FGF14: variants seen among roughly 807,000 people sequenced by gnomAD.
FGF14 encodes fibroblast growth factor homologous factor 4.
FGF14 carries 5 observed loss-of-function variants against 25.5 expected under a neutral mutation model. That is an observed-to-expected ratio of 0.20 (90% CI 0.10 to 0.41). FGF14 has a LOEUF of 0.41. Among genes scored for constraint, FGF14 ranks in the 10% least tolerant of loss-of-function variants. The probability of loss-of-function intolerance (pLI) is 1.00; values close to 1 mark genes in which losing one functional copy is unlikely to be tolerated. For missense variants in FGF14, 222 were observed against 320.1 expected, an observed-to-expected ratio of 0.69 and a Z score of 2.34; for synonymous variants, 138 against 118.3, an observed-to-expected ratio of 1.17 and a Z score of -1.08.
chr13:101,724,595 AAAATATAT>A (rs1462572899), intron 4 of FGF14, among the ~76,000 whole-genome samples: 8 of 35,166 alleles, frequency 2.3e-4, no homozygotes, highest in Admixed American at 4.8e-4. Flanking sequence ...GTATAATAAT[AAAATATAT>A]ATATATATAT....
intron 1 of FGF14, among the ~76,000 whole-genome samples, chr13:102,065,447 C>T (rs972555071): frequency 2.0e-5 from 3 of 152,020 alleles, no homozygotes; most frequent in African/African-American, 7.2e-5. Context: ...CAAGATATTT[C>T]TGGTACATTG....
intron 1 of FGF14, among the ~76,000 whole-genome samples, chr13:102,312,631 C>T (rs1277934448): frequency 6.6e-6 from 1 of 152,126 alleles, no homozygotes; most frequent in Admixed American, 6.5e-5. Flanking sequence ...TCCAACTACC[C>T]CCCTGGATGG....
chr13:102,262,999 T>C, intron 1 of FGF14: 1 of 559,792 alleles, frequency 1.8e-6, no homozygotes. Flanking sequence ...GATTGTGACC[T>C]TCAGACAGCA....
At chr13:101,839,331 A>G (rs1422330548) in intron 3 of FGF14, among the ~76,000 whole-genome samples, 1 of 152,058 alleles carries the variant, frequency 6.6e-6, no homozygotes, top group Non-Finnish European at 1.5e-5. Flanking sequence ...GATCCTGAGA[A>G]AAGTCTTGGA....
intron 1 of FGF14, among the ~76,000 whole-genome samples, chr13:102,258,276 A>G (rs146492937): frequency 0.018 from 2,791 of 152,180 alleles, 85 homozygotes; most frequent in African/African-American, 0.065. Context: ...CAGCCAAACC[A>G]TATCAAGCTG....
intron 3 of FGF14, among the ~76,000 whole-genome samples, chr13:101,793,460 G>T (rs1287874843): frequency 6.6e-6 from 1 of 152,010 alleles, no homozygotes; most frequent in African/African-American, 2.4e-5. Context: ...GTATCACATT[G>T]TCTTTATCTA....
intron 3 of FGF14, among the ~76,000 whole-genome samples, chr13:101,756,538 T>G (rs2037667973): frequency 6.6e-6 from 1 of 152,070 alleles, no homozygotes; most frequent in Non-Finnish European, 1.5e-5. Context: ...ATTGAGATCA[T>G]CCTGGCCAAC....
chr13:102,224,879 T>C (rs1189741663), intron 1 of FGF14, among the ~76,000 whole-genome samples: 1 of 152,192 alleles, frequency 6.6e-6, no homozygotes, highest in Non-Finnish European at 1.5e-5. Flanking sequence ...GTTGGTGCAC[T>C]GAACTGCAAC....
chr13:102,298,646 T>C (rs1025501356), intron 1 of FGF14, among the ~76,000 whole-genome samples: 1 of 152,184 alleles, frequency 6.6e-6, no homozygotes, highest in Non-Finnish European at 1.5e-5. Flanking sequence ...GTCACCTTTT[T>C]TTCCCTGGTG....
intron 1 of FGF14, among the ~76,000 whole-genome samples, chr13:102,286,797 G>A (rs1021849189): frequency 6.6e-6 from 1 of 152,068 alleles, no homozygotes; most frequent in Non-Finnish European, 1.5e-5. Flanking sequence ...TGTGTCAAAG[G>A]CACTTTGTAT....
intron 1 of FGF14, among the ~76,000 whole-genome samples, chr13:101,934,420 A>T (rs2034968497): frequency 6.6e-6 from 1 of 152,186 alleles, no homozygotes; most frequent in South Asian, 2.1e-4. Context: ...TATAGATATC[A>T]GAAGAATTTT....
intron 1 of FGF14, among the ~76,000 whole-genome samples, chr13:102,066,758 C>T (rs2042920592): frequency 6.6e-6 from 1 of 152,158 alleles, no homozygotes. Flanking sequence ...AGTTGTGCTT[C>T]AATTGAAATA....
intron 1 of FGF14, among the ~76,000 whole-genome samples, chr13:102,036,132 C>T (rs1329815474): frequency 6.6e-6 from 1 of 152,022 alleles, no homozygotes; most frequent in African/African-American, 2.4e-5. Context: ...TTTCACAAGC[C>T]CTTCTTATAA....
intron 1 of FGF14, among the ~76,000 whole-genome samples, chr13:101,984,158 G>A (rs182041235): frequency 1.3e-5 from 2 of 152,058 alleles, no homozygotes; most frequent in South Asian, 2.1e-4. Flanking sequence ...TGGAATATGC[G>A]CTCGAAAATG....
chr13:102,249,863 C>A (rs2052079754), intron 1 of FGF14, among the ~76,000 whole-genome samples: 1 of 152,132 alleles, frequency 6.6e-6, no homozygotes, highest in Non-Finnish European at 1.5e-5. Flanking sequence ...TTTCTTCCTC[C>A]TCCTCATGAG....
intron 1 of FGF14, among the ~76,000 whole-genome samples, chr13:102,117,890 T>C (rs1484066556): frequency 2.6e-5 from 4 of 152,102 alleles, no homozygotes; most frequent in African/African-American, 9.7e-5. Flanking sequence ...GGTTACTAAG[T>C]AGAAAGAAAA....
chr13:101,720,859 GCTAA>G lies in FGF14; in HGVS notation c.*1968_*1971del, dbSNP rs1273422808. ...GGCAATAAATCTACTCAAACGTTCT[GCTAA>G]CTTTTTATTTATTCAAGTAGAATCC... On this transcript the variant is annotated 3_prime_UTR_variant, in exon 5 of 5. Coordinates refer to ENST00000376143, the MANE Select transcript of FGF14 (RefSeq NM_004115.4). The G allele has an allele frequency of 6.6e-6, 1 of 152,036 alleles. No homozygotes were observed. The highest frequency in any genetic ancestry group is 1.5e-5 in the Non-Finnish European group (1 of 68,002). The allele number at this position is 152,036 out of a possible 1,614,324, so 9.4% of individuals were successfully genotyped here.
intron 1 of FGF14, among the ~76,000 whole-genome samples, chr13:102,278,627 A>AATATATATATATATATATATATATATAT (rs10578533): frequency 4.1e-5 from 6 of 147,460 alleles, no homozygotes; most frequent in African/African-American, 1.0e-4. Flanking sequence ...CATTTTATGT[A>AATATATATATATATATATATATATATAT]ATATATATAT....
intron 1 of FGF14, among the ~76,000 whole-genome samples, chr13:102,125,300 G>A (rs998061429): frequency 6.6e-6 from 1 of 152,046 alleles, no homozygotes; most frequent in Non-Finnish European, 1.5e-5. Flanking sequence ...TATTACACAT[G>A]CATTTATATT....
Sources: allele counts gnomAD v4.1 joint callset (sites outside exome capture counted in the v4.1 genomes callset), GRCh38; gene constraint gnomAD v4.1.1; transcripts MANE v1.5; gene names NCBI Gene and HGNC (gene_info 2026-07-23, HGNC 2026-07-21).